Variants in RAPGEF2 observed in about 807,000 individuals in gnomAD.
The protein encoded by RAPGEF2 is PDZ domain containing guanine nucleotide exchange factor (GEF) 1.
In RAPGEF2, 54 loss-of-function variants were observed where a neutral mutation model predicts 186.7. The observed-to-expected ratio is 0.29, with a 90% CI of 0.23 to 0.36. The LOEUF (loss-of-function observed/expected upper bound fraction) is 0.36. RAPGEF2 is among the 10% of genes least tolerant of loss of function. The pLI is 1.00. For missense variants in RAPGEF2, 1,532 were observed against 2,045.0 expected, an observed-to-expected ratio of 0.75 and a Z score of 4.84; for synonymous variants, 712 against 705.9, an observed-to-expected ratio of 1.01 and a Z score of -0.14.
intron 2 of RAPGEF2, among the ~76,000 whole-genome samples, chr4:159,188,430 G>A (rs921148190): frequency 5.3e-5 from 8 of 152,038 alleles, no homozygotes; most frequent in Non-Finnish European, 1.0e-4. Flanking sequence ...TTGGGTGGCC[G>A]AGGTGGGTGG....
chr4:159,191,643 G>A lies in RAPGEF2; in HGVS notation c.141-1557G>A, dbSNP rs199827533. Among the ~76,000 whole-genome samples, 8 of 152,168 alleles carry A rather than the reference G, an allele frequency of 5.3e-5. No individual in the cohort carries two copies. In the East Asian group the frequency reaches 1.3e-3, roughly 26 times the overall value. The stretch of plus-strand genomic sequence containing the variant: ...AGTCCCAGCCACTTGGGAGGCTGAG[G>A]CAGGAGAATTGCTTGAACCCGGGAG... On this transcript the variant is annotated intron_variant, in intron 2 of 29. Transcript: ENST00000691494.
At chr4:159,156,301 G>A (rs1032452932) in intron 1 of RAPGEF2, among the ~76,000 whole-genome samples, 5 of 152,194 alleles carry the variant, frequency 3.3e-5, no homozygotes, top group African/African-American at 1.2e-4. Flanking sequence ...ATATTTTACT[G>A]CTGCGTGTTG....
chr4:159,269,007 C>CT (rs1351486254), intron 7 of RAPGEF2, among the ~76,000 whole-genome samples: 3 of 152,134 alleles, frequency 2.0e-5, no homozygotes, highest in African/African-American at 4.8e-5. Flanking sequence ...GTATAGTAGT[C>CT]TAGGTATTTT....
At chr4:159,288,470 A>G (rs73859118) in intron 7 of RAPGEF2, among the ~76,000 whole-genome samples, 2,962 of 152,230 alleles carry the variant, frequency 0.019, 119 homozygotes, top group African/African-American at 0.067. Context: ...TGTTGTCCAG[A>G]TGGCATACCT....
At chr4:159,261,327 G>A (rs1161856787) in intron 7 of RAPGEF2, among the ~76,000 whole-genome samples, 1 of 152,120 alleles carries the variant, frequency 6.6e-6, no homozygotes, top group African/African-American at 2.4e-5. Flanking sequence ...CTCCCAAAGT[G>A]CTGGGATTAC....
Position 159,353,030 on chromosome 4 carries a change from C to T in RAPGEF2, c.4091+120C>T. The T allele has an allele frequency of 1.1e-6, 1 of 918,966 alleles. No homozygotes were observed. Among genetic ancestry groups the T allele is most frequent in the Non-Finnish European group, 1.6e-6 (1 of 618,378 alleles). The allele number at this position is 918,966 out of a possible 1,614,324, so 56.9% of individuals were successfully genotyped here. On this transcript the variant is annotated intron_variant, in intron 27 of 29. Transcript: ENST00000691494. The surrounding 1 kb of genome is among the most constrained non-coding windows in gnomAD (Gnocchi z 4.3). ...ACATAATGCCTAAGAATTTTTCTGC[C>T]ATCCCAGTTCTGATTTTCACAATTT...
At chr4:159,119,656 A>G (rs1041563657) in intron 1 of RAPGEF2, among the ~76,000 whole-genome samples, 1 of 152,206 alleles carries the variant, frequency 6.6e-6, no homozygotes, top group Non-Finnish European at 1.5e-5. Flanking sequence ...TGGTTCGCTT[A>G]TTAGGTGTAT....
chr4:159,177,455 A>G (rs962821942), intron 1 of RAPGEF2, among the ~76,000 whole-genome samples: 2 of 152,172 alleles, frequency 1.3e-5, no homozygotes, highest in African/African-American at 4.8e-5. Context: ...AGTTGCATAG[A>G]TATTATTCAC....
chr4:159,241,378 A>G lies in RAPGEF2; in HGVS notation c.525+10A>G, dbSNP rs1482125477. 2.9e-6 allele frequency: 4 copies of G among 1,376,842 alleles called. No homozygotes were observed. The highest frequency in any genetic ancestry group is 1.9e-4 in the Middle Eastern group (1 of 5,256). 85.3% of individuals were successfully genotyped at this position (1,376,842 alleles called of 1,614,324 possible). On this transcript the variant is annotated intron_variant, in intron 6 of 29. Coordinates refer to ENST00000691494, the MANE Select transcript of RAPGEF2 (RefSeq NM_001394067.2). ...TAGAGGCTATCACACGGTAAGTTATACAAGTATAATATTTTTATTTATTTC... is the reference window on the plus strand; with the variant it reads ...TAGAGGCTATCACACGGTAAGTTATGCAAGTATAATATTTTTATTTATTTC...
chr4:159,262,031 A>G (rs879255789), intron 7 of RAPGEF2, among the ~76,000 whole-genome samples: 1 of 152,190 alleles, frequency 6.6e-6, no homozygotes, highest in Non-Finnish European at 1.5e-5. Context: ...GGCATCTTTT[A>G]TAATTACTCA....
chr4:159,342,988 C>T lies in RAPGEF2; in HGVS notation c.2928C>T (p.Asn976=), dbSNP rs17038049. 5.0e-3 allele frequency: 8,038 copies of T among 1,613,782 alleles called. 352 individuals are homozygous for T. The African/African-American group carries it at 0.096, about 19-fold the overall frequency. ...CTTTTTCTCCTCTCAGTGGCCTAAA[C>T]CTGGCACCAGTGGCAAGACTGCGAA... The part of the protein sequence containing the change: ...NSMFAIISGL[N]LAPVARLRTT... The change falls in exon 21 of 30, where the codon AAC becomes AAT. Residue 976 remains asparagine (N), a synonymous_variant. Coordinates refer to ENST00000691494, the MANE Select transcript of RAPGEF2 (RefSeq NM_001394067.2).
At chr4:159,158,084 A>T (rs1178510133) in intron 1 of RAPGEF2, among the ~76,000 whole-genome samples, 1 of 152,208 alleles carries the variant, frequency 6.6e-6, no homozygotes, top group East Asian at 1.9e-4. Context: ...AGAAGTTTAT[A>T]ATATTTTCTT....
intron 28 of RAPGEF2, 114 bp from the exon 29 acceptor site, chr4:159,355,739 A>C: frequency 3.9e-6 from 4 of 1,027,064 alleles, no homozygotes; most frequent in Non-Finnish European, 5.6e-6. Context: ...ATACCATGCA[A>C]ATGCACATCT....
intron 1 of RAPGEF2, among the ~76,000 whole-genome samples, chr4:159,115,174 G>T (rs1451181319): frequency 6.6e-6 from 1 of 151,912 alleles, no homozygotes; most frequent in Non-Finnish European, 1.5e-5. Context: ...GAGAATGAAT[G>T]CTGTTTTTAA....
At chr4:159,135,183 A>G (rs1579276729) in intron 1 of RAPGEF2, among the ~76,000 whole-genome samples, 1 of 152,130 alleles carries the variant, frequency 6.6e-6, no homozygotes, top group African/African-American at 2.4e-5. Context: ...AGCTGGTACT[A>G]TAGGTGTGTG....
Position 159,104,136 on chromosome 4 carries a change from C to A in RAPGEF2, c.-27C>A, listed in dbSNP as rs1459635090. The stretch of plus-strand genomic sequence containing the variant: ...GGAGGAGGCCGGCCAGGGTGCGGAG[C>A]GGCCCCGGCCCGCTCCCAGAGGGGA... On this transcript the variant is annotated 5_prime_UTR_variant, in exon 1 of 30. Transcript: ENST00000691494. 4 of 1,470,928 alleles carry A rather than the reference C, an allele frequency of 2.7e-6. 1 individual carries two copies. The South Asian group carries it at 5.0e-5, about 18-fold the overall frequency. 91.1% of individuals were successfully genotyped at this position (1,470,928 alleles called of 1,614,324 possible).
chr4:159,109,820 A>G (rs1485613274), intron 1 of RAPGEF2, among the ~76,000 whole-genome samples: 2 of 152,236 alleles, frequency 1.3e-5, no homozygotes, highest in East Asian at 1.9e-4. Context: ...CACACCTGGT[A>G]AGACAACATG....
intron 7 of RAPGEF2, among the ~76,000 whole-genome samples, chr4:159,273,690 CTTTCTTTCT>C: frequency 1.5e-5 from 2 of 131,886 alleles, no homozygotes; most frequent in East Asian, 4.4e-4. Flanking sequence ...TTCTTTCTTT[CTTTCTTTCT>C]TTCTCAATTT....
chr4:159,257,886 G>C (rs900774794), intron 7 of RAPGEF2, among the ~76,000 whole-genome samples: 1 of 152,138 alleles, frequency 6.6e-6, no homozygotes, highest in East Asian at 1.9e-4. Context: ...TTTTTGCTTA[G>C]TATTGTCTTG....
Sources: allele counts gnomAD v4.1 joint callset (sites outside exome capture counted in the v4.1 genomes callset), GRCh38; gene constraint gnomAD v4.1.1; non-coding constraint Gnocchi (gnomAD v3.1); transcripts MANE v1.5; gene names NCBI Gene and HGNC (gene_info 2026-07-23, HGNC 2026-07-21).